The following DPYSL3 variants were observed in gnomAD, a reference collection of about 807,000 sequenced individuals.
DPYSL3 encodes dihydropyrimidinase like 3, also known as dihydropyrimidinase-related protein 3.
DPYSL3 carries 16 observed loss-of-function variants against 66.1 expected under a neutral mutation model. The observed-to-expected ratio is 0.24, with a 90% CI of 0.16 to 0.37. The LOEUF (loss-of-function observed/expected upper bound fraction) is 0.37. DPYSL3 is among the 10% of genes least tolerant of loss of function. The pLI is 1.00. For synonymous variants in DPYSL3, 338 were observed against 345.1 expected, an observed-to-expected ratio of 0.98 and a Z score of 0.23; for missense variants, 738 against 916.2, an observed-to-expected ratio of 0.81 and a Z score of 2.51.
At chr5:147,403,802 A>G (rs146476333) in intron 8 of DPYSL3, among the ~76,000 whole-genome samples, 61 of 152,230 alleles carry the variant, frequency 4.0e-4, no homozygotes, top group African/African-American at 1.4e-3. Flanking sequence ...ACTGACTTCA[A>G]TCTCAGCAGC....
At chr5:147,452,536 T>G (rs1300293742) in intron 1 of DPYSL3, among the ~76,000 whole-genome samples, 1 of 151,892 alleles carries the variant, frequency 6.6e-6, no homozygotes, top group African/African-American at 2.4e-5. Flanking sequence ...ACGTTAGTTT[T>G]TATTTATTCT....
intron 1 of DPYSL3, among the ~76,000 whole-genome samples, chr5:147,476,025 CTAT>C (rs1346611450): frequency 1.3e-5 from 2 of 152,048 alleles, no homozygotes; most frequent in African/African-American, 4.8e-5. Context: ...GAGGTTGATA[CTAT>C]TATTATGGCC....
chr5:147,434,372 C>A (rs1475317612), intron 1 of DPYSL3, among the ~76,000 whole-genome samples: 1 of 152,128 alleles, frequency 6.6e-6, no homozygotes, highest in Admixed American at 6.5e-5. Context: ...CTCAAATACA[C>A]GTGCCATGGG....
In DPYSL3 at chr5:147,413,608, T is replaced by C. The variant is rs556065111; in HGVS notation, c.870A>G (p.Val290=). 2 of 1,613,154 alleles carry C rather than the reference T, an allele frequency of 1.2e-6. No homozygotes were observed. Among genetic ancestry groups the C allele is most frequent in the Admixed American group, 1.7e-5 (1 of 59,950 alleles). Residue 290 remains valine (V), a synonymous_variant, in exon 5 of 14, where the codon GTA becomes GTG. Coordinates refer to ENST00000343218, the MANE Select transcript of DPYSL3 (RefSeq NM_001197294.2). ...AATGGGTTGTTACCTCTGTGTTAGA[T>C]ACTTGATACAAATCCTTATAAGCCA... is the stretch of plus-strand genomic sequence containing the variant. ...VYMAYKDLYQ[V]SNTELYEIFT...
chr5:147,415,940 G>C (rs1751959167), intron 3 of DPYSL3, 67 bp from the exon 4 acceptor site: 1 of 1,526,520 alleles, frequency 6.6e-7, no homozygotes, highest in South Asian at 1.3e-5. Flanking sequence ...GCCCAGGCCT[G>C]CTCCTGCTTG....
At chr5:147,432,807 T>A (rs1752338907) in intron 1 of DPYSL3, among the ~76,000 whole-genome samples, 1 of 152,224 alleles carries the variant, frequency 6.6e-6, no homozygotes, top group Non-Finnish European at 1.5e-5. Flanking sequence ...GAAAACACTA[T>A]CTTAGTCTCA....
chr5:147,435,783 A>G (rs1349106669), intron 1 of DPYSL3, among the ~76,000 whole-genome samples: 1 of 152,254 alleles, frequency 6.6e-6, no homozygotes, highest in Non-Finnish European at 1.5e-5. Context: ...CAGGAAACAG[A>G]TAAAATTATT....
Position 147,493,637 on chromosome 5 carries a change from C to G in DPYSL3, c.381+15841G>C, listed in dbSNP as rs192200484. Among the ~76,000 whole-genome samples, 49 of 152,082 alleles carry G rather than the reference C, an allele frequency of 3.2e-4. 1 individual carries two copies. Among genetic ancestry groups the G allele is most frequent in the African/African-American group, 1.2e-3 (48 of 41,496 alleles). ...AAGAAGGAAAAATGGACAGATCCAG[C>G]AGACAGAAAATTAATAAGATTAATA... On this transcript the variant is annotated intron_variant, in intron 1 of 13. Coordinates refer to ENST00000343218, the MANE Select transcript of DPYSL3 (RefSeq NM_001197294.2).
intron 1 of DPYSL3, among the ~76,000 whole-genome samples, chr5:147,444,660 G>T (rs145928053): frequency 1.4e-3 from 211 of 152,206 alleles, no homozygotes; most frequent in African/African-American, 4.8e-3. Flanking sequence ...TAAACTCTCT[G>T]GTTTGTACCC....
chr5:147,491,632 C>T (rs1419284776), intron 1 of DPYSL3, among the ~76,000 whole-genome samples: 1 of 151,922 alleles, frequency 6.6e-6, no homozygotes, highest in Non-Finnish European at 1.5e-5. Context: ...AAAAAAAATA[C>T]TGCAACATTA....
At chr5:147,480,371 T>C (rs1753217084) in intron 1 of DPYSL3, among the ~76,000 whole-genome samples, 2 of 152,090 alleles carry the variant, frequency 1.3e-5, no homozygotes, top group Admixed American at 1.3e-4. Flanking sequence ...GGTTGCCACT[T>C]CCTCTAGTTA....
chr5:147,407,686 T>G (rs1011596232), intron 7 of DPYSL3, among the ~76,000 whole-genome samples: 12 of 152,108 alleles, frequency 7.9e-5, no homozygotes, highest in African/African-American at 2.9e-4. Context: ...ACATACCAGA[T>G]GAATGCATTC....
chr5:147,455,696 C>A (rs1752839348), intron 1 of DPYSL3, among the ~76,000 whole-genome samples: 1 of 152,016 alleles, frequency 6.6e-6, no homozygotes. Flanking sequence ...CCCAAACTTG[C>A]TGGAAAGGAT....
intron 1 of DPYSL3, among the ~76,000 whole-genome samples, chr5:147,429,701 C>T (rs150583911): frequency 1.5e-3 from 226 of 152,188 alleles, no homozygotes; most frequent in African/African-American, 5.2e-3. Flanking sequence ...ACCCATGTCT[C>T]CCATCTCCTG....
chr5:147,457,266 A>G (rs1409793030), intron 1 of DPYSL3, among the ~76,000 whole-genome samples: 4 of 152,136 alleles, frequency 2.6e-5, no homozygotes, highest in Admixed American at 2.6e-4. Context: ...TTTTTACCAC[A>G]TGACATATTA....
At chr5:147,493,088 G>A (rs1201188216) in intron 1 of DPYSL3, among the ~76,000 whole-genome samples, 1 of 152,126 alleles carries the variant, frequency 6.6e-6, no homozygotes, top group Admixed American at 6.5e-5. Flanking sequence ...GAAGTTATCA[G>A]AAATAAAGAG....
At chr5:147,427,592 G>A (rs1308304506) in intron 1 of DPYSL3, among the ~76,000 whole-genome samples, 1 of 152,140 alleles carries the variant, frequency 6.6e-6, no homozygotes, top group Non-Finnish European at 1.5e-5. Flanking sequence ...AAACTAGTGT[G>A]TACACATTAG....
intron 1 of DPYSL3, among the ~76,000 whole-genome samples, chr5:147,441,841 T>C (rs1490883342): frequency 1.3e-5 from 2 of 152,076 alleles, no homozygotes; most frequent in Non-Finnish European, 2.9e-5. Flanking sequence ...GGTTCTGAGA[T>C]AGAGCATGCA....
chr5:147,407,523 T>C (rs765198760), intron 7 of DPYSL3, among the ~76,000 whole-genome samples: 20 of 152,204 alleles, frequency 1.3e-4, no homozygotes, highest in Non-Finnish European at 2.8e-4. Context: ...CTGATTACCC[T>C]GGTCTCTTCA....
Sources: allele counts gnomAD v4.1 joint callset (sites outside exome capture counted in the v4.1 genomes callset), GRCh38; gene constraint gnomAD v4.1.1; transcripts MANE v1.5; gene names NCBI Gene and HGNC (gene_info 2026-07-23, HGNC 2026-07-21).